NOP9: variants seen among roughly 807,000 people sequenced by gnomAD.
NOP9 encodes the protein nucleolar protein 9.
Under a neutral mutation model 63.0 loss-of-function variants are expected in NOP9, and 50 were observed. The ratio of observed to expected loss-of-function variants is 0.79; its 90% CI spans 0.63 to 1.00. The LOEUF (loss-of-function observed/expected upper bound fraction) is 1.00, where lower values mean the gene tolerates loss of function less well. Among genes scored for constraint, NOP9 ranks in the 50% least tolerant of loss-of-function variants. The probability of loss-of-function intolerance (pLI) is 0.00; values close to 1 mark genes in which losing one functional copy is unlikely to be tolerated. For synonymous variants in NOP9, 343 were observed against 332.8 expected (o/e 1.03, Z -0.33); for missense variants, 758 against 803.0 (o/e 0.94, Z 0.68).
At chr14:24,283,448 A>T in the NOP9 span, among the ~76,000 whole-genome samples, 2 of 152,058 alleles carry the variant, frequency 1.3e-5, no homozygotes, top group African/African-American at 4.8e-5. Context: ...AAAAAAAAAA[A>T]ACTTAACCAG....
intron 3 of NOP9, 84 bp downstream of exon 3, chr14:24,301,806 A>G: frequency 6.6e-7 from 1 of 1,521,976 alleles, no homozygotes; most frequent in Non-Finnish European, 9.1e-7. Context: ...ACCTCAGGTT[A>G]TTCCTCTTCT....
the NOP9 span, among the ~76,000 whole-genome samples, chr14:24,280,423 C>G: frequency 3.9e-5 from 6 of 152,274 alleles, no homozygotes; most frequent in East Asian, 7.7e-4. Context: ...GCACCAGGTC[C>G]TGTGGTGCCT....
the NOP9 span, chr14:24,291,282 G>A: frequency 6.4e-7 from 1 of 1,551,208 alleles, no homozygotes; most frequent in Admixed American, 1.7e-5. Flanking sequence ...CAAGGTTTGG[G>A]CCCAGTTGGA....
At chr14:24,303,532 A>G (rs1467053857) in intron 6 of NOP9, among the ~76,000 whole-genome samples, 200 bp from the exon 7 acceptor site, 1 of 152,170 alleles carries the variant, frequency 6.6e-6, no homozygotes, top group African/African-American at 2.4e-5. Flanking sequence ...ACTAAGAGAG[A>G]AGTTTATTTA....
the NOP9 span, among the ~76,000 whole-genome samples, chr14:24,282,479 T>C: frequency 1.3e-5 from 2 of 152,162 alleles, no homozygotes; most frequent in African/African-American, 4.8e-5. Context: ...AACACAGGTC[T>C]CTGATGATAG....
rs144864084 is a variant in NOP9, at chr14:24,305,972, C to G, written c.*877C>G. On this transcript the variant is annotated 3_prime_UTR_variant, in exon 10 of 10. Coordinates refer to ENST00000267425, the MANE Select transcript of NOP9 (RefSeq NM_174913.3). Reference sequence around the variant, plus strand: ...CTGAGTACTTTCTTTGGGCCAAGTCCTTGAAAGTCACAACTCATAGAGTAG... The same window carrying G: ...CTGAGTACTTTCTTTGGGCCAAGTCGTTGAAAGTCACAACTCATAGAGTAG... 8.7e-6 allele frequency: 14 copies of G among 1,613,954 alleles called. No individual in the cohort carries two copies. Among genetic ancestry groups the G allele is most frequent in the Non-Finnish European group, 1.2e-5 (14 of 1,179,908 alleles).
the NOP9 span, among the ~76,000 whole-genome samples, chr14:24,278,233 A>T: frequency 2.0e-5 from 3 of 152,150 alleles, no homozygotes; most frequent in Non-Finnish European, 2.9e-5. Flanking sequence ...CCAGGTTTGG[A>T]AACCAGGTTT....
At chr14:24,284,549 G>A in the NOP9 span, among the ~76,000 whole-genome samples, 1,546 of 152,190 alleles carry the variant, frequency 0.01, 16 homozygotes, top group Non-Finnish European at 0.016. Flanking sequence ...GCTTGGTGGG[G>A]AGGGTGGGCC....
At chr14:24,296,384 A>C, upstream of NOP9, 1 of 909,058 alleles carries the variant, frequency 1.1e-6, no homozygotes, top group Non-Finnish European at 1.8e-6. Context: ...GACAAATGGA[A>C]TGGAAGGGAG....
chr14:24,291,391 G>A, the NOP9 span: 1 of 1,039,260 alleles, frequency 9.6e-7, no homozygotes, highest in South Asian at 1.3e-5. Context: ...TGCTCCTAAG[G>A]CTCTCAGACC....
upstream of NOP9, among the ~76,000 whole-genome samples, chr14:24,297,421 C>T (rs1187962991): frequency 1.3e-5 from 2 of 152,196 alleles, no homozygotes; most frequent in African/African-American, 4.8e-5. Flanking sequence ...GCCCACAAAC[C>T]TCCAACTTCA....
rs1426773496 is a variant in NOP9, at chr14:24,301,541, C to T, written c.698-71C>T. On this transcript the variant is annotated intron_variant, in intron 2 of 9. Coordinates refer to ENST00000267425, the MANE Select transcript of NOP9 (RefSeq NM_174913.3). ...ATCTCCAAGCGGAATCCTTGTTCATCTGTGAAATTTTTCTCTCCTGGATGG... is the reference window on the plus strand; with the variant it reads ...ATCTCCAAGCGGAATCCTTGTTCATTTGTGAAATTTTTCTCTCCTGGATGG... The T allele has an allele frequency of 2.5e-6, 4 of 1,593,508 alleles. No individual in the cohort carries two copies. In the African/African-American group the frequency reaches 5.4e-5, roughly 21 times the overall value.
upstream of NOP9, chr14:24,299,574 CG>C: frequency 4.1e-6 from 1 of 245,482 alleles, no homozygotes; most frequent in Non-Finnish European, 7.9e-6. Context: ...GAGCGTGCGC[CG>C]CTTACCTGCC....
At chr14:24,287,981 T>G in the NOP9 span, among the ~76,000 whole-genome samples, 1 of 152,240 alleles carries the variant, frequency 6.6e-6, no homozygotes, top group Admixed American at 6.5e-5. Flanking sequence ...CTCTTCTACC[T>G]TCAATCAAAA....
the NOP9 span, among the ~76,000 whole-genome samples, chr14:24,275,308 A>G: frequency 6.6e-6 from 1 of 152,178 alleles, no homozygotes; most frequent in Non-Finnish European, 1.5e-5. Context: ...AGCCCCAGAC[A>G]TCTTATTTAC....
chr14:24,289,509 C>T, the NOP9 span, among the ~76,000 whole-genome samples: 1 of 152,170 alleles, frequency 6.6e-6, no homozygotes, highest in Non-Finnish European at 1.5e-5. Flanking sequence ...TAGGCAACTG[C>T]CTGTGCTCCT....
the NOP9 span, among the ~76,000 whole-genome samples, chr14:24,282,263 G>A: frequency 6.6e-6 from 1 of 152,176 alleles, no homozygotes; most frequent in Non-Finnish European, 1.5e-5. Context: ...ACACTTTTAT[G>A]CAGAGTTATA....
the NOP9 span, chr14:24,293,035 TAAC>T: frequency 2.1e-6 from 1 of 468,506 alleles, no homozygotes; most frequent in East Asian, 3.9e-5. Context: ...CCTGTCACAA[TAAC>T]AATTACAAAC....
At position 24,307,243 on chromosome 14, in the gene NOP9, G is replaced by T; in HGVS notation, c.*2148G>T. On this transcript the variant is annotated 3_prime_UTR_variant, in exon 10 of 10. Transcript: ENST00000267425. ...CAGAGCTCATTAGGCCCACTCCGCTGCTTTTAGCCCTCAGAGGGAGGGGCA... is the reference window on the plus strand; with the variant it reads ...CAGAGCTCATTAGGCCCACTCCGCTTCTTTTAGCCCTCAGAGGGAGGGGCA... The T allele has an allele frequency of 1.9e-6, 2 of 1,053,960 alleles. No individual in the cohort carries two copies. Among genetic ancestry groups the T allele is most frequent in the Non-Finnish European group, 2.8e-6 (2 of 716,604 alleles). The allele number at this position is 1,053,960 out of a possible 1,614,324, so 65.3% of individuals were successfully genotyped here.
Sources: gnomAD v4.1 joint callset for allele counts (sites outside exome capture counted in the v4.1 genomes callset) on GRCh38, gnomAD v4.1.1 for gene constraint, MANE v1.5 for transcripts, NCBI Gene and HGNC (gene_info 2026-07-23, HGNC 2026-07-21) for gene names.